Variants in EPHA6 observed in about 807,000 individuals in gnomAD.
EPHA6 encodes EPH receptor A6, also known as ephrin type-A receptor 6.
EPHA6 carries 50 observed loss-of-function variants against 112.0 expected under a neutral mutation model. The ratio of observed to expected loss-of-function variants is 0.45; its 90% confidence interval spans 0.36 to 0.56. The LOEUF is 0.56. EPHA6 is among the 20% of genes least tolerant of loss of function. The probability of loss-of-function intolerance (pLI) is 0.00; values close to 1 mark genes in which losing one functional copy is unlikely to be tolerated. For synonymous variants in EPHA6, 529 were observed against 490.7 expected, an observed-to-expected ratio of 1.08 and a Z score of -1.03; for missense variants, 1,280 against 1,417.4, an observed-to-expected ratio of 0.90 and a Z score of 1.56.
chr3:97,439,160 T>C (rs1031582084), intron 6 of EPHA6, among the ~76,000 whole-genome samples: 1 of 152,148 alleles, frequency 6.6e-6, no homozygotes, highest in Non-Finnish European at 1.5e-5. Context: ...TGAAACAAGG[T>C]ACACATTGGT....
At chr3:97,239,236 A>G (rs1415114953) in intron 4 of EPHA6, among the ~76,000 whole-genome samples, 1 of 151,926 alleles carries the variant, frequency 6.6e-6, no homozygotes, top group African/African-American at 2.4e-5. Context: ...ACCCTCTAAT[A>G]GCATTATTTA....
intron 5 of EPHA6, among the ~76,000 whole-genome samples, chr3:97,338,880 G>T (rs890748541): frequency 1.3e-5 from 2 of 152,116 alleles, no homozygotes; most frequent in African/African-American, 4.8e-5. Flanking sequence ...CAGAAAACAG[G>T]ACTTCAGATA....
intron 3 of EPHA6, among the ~76,000 whole-genome samples, chr3:97,039,905 A>T (rs1248830715): frequency 6.6e-6 from 1 of 151,974 alleles, no homozygotes; most frequent in African/African-American, 2.4e-5. Context: ...TAAGTTCAAT[A>T]AAAGTGCAGA....
intron 6 of EPHA6, among the ~76,000 whole-genome samples, chr3:97,421,153 G>C (rs1167131148): frequency 1.3e-5 from 2 of 151,870 alleles, no homozygotes; most frequent in Non-Finnish European, 2.9e-5. Context: ...ATTATCAATA[G>C]TTTCTACTAA....
chr3:97,458,967 A>T (rs1007629166), intron 7 of EPHA6, among the ~76,000 whole-genome samples: 3 of 152,212 alleles, frequency 2.0e-5, no homozygotes, highest in Non-Finnish European at 4.4e-5. Context: ...TTCCAGTAGA[A>T]GGCAATATGT....
intron 7 of EPHA6, among the ~76,000 whole-genome samples, chr3:97,459,394 G>A (rs2090809613): frequency 2.0e-5 from 3 of 152,140 alleles, no homozygotes; most frequent in Non-Finnish European, 4.4e-5. Context: ...TGGGTTATTC[G>A]GCTGCAAGCT....
At chr3:97,362,285 A>G (rs1273257636) in intron 5 of EPHA6, among the ~76,000 whole-genome samples, 2 of 152,148 alleles carry the variant, frequency 1.3e-5, no homozygotes, top group African/African-American at 2.4e-5. Context: ...AGTATTGCCA[A>G]TCAGCTTATT....
chr3:97,734,327 A>G (rs1173495646), intron 15 of EPHA6, among the ~76,000 whole-genome samples: 1 of 152,090 alleles, frequency 6.6e-6, no homozygotes. Context: ...TCTCTGAGCT[A>G]TCCACAATAG....
intron 14 of EPHA6, among the ~76,000 whole-genome samples, chr3:97,668,911 C>CAAAAAAAAAAAAAAAAA (rs397990599): frequency 3.1e-5 from 1 of 31,904 alleles, no homozygotes; most frequent in Non-Finnish European, 5.3e-5. Flanking sequence ...GACTCTGTCT[C>CAAAAAAAAAAAAAAAAA]AAAAAAAAAA....
intron 14 of EPHA6, among the ~76,000 whole-genome samples, chr3:97,717,953 C>G (rs2034324610): frequency 6.6e-6 from 1 of 152,104 alleles, no homozygotes; most frequent in Admixed American, 6.5e-5. Context: ...TTTGACCTAT[C>G]TTAATAGAAC....
chr3:97,176,510 A>C (rs887531631), intron 3 of EPHA6, among the ~76,000 whole-genome samples: 1 of 151,690 alleles, frequency 6.6e-6, no homozygotes, highest in East Asian at 1.9e-4. Context: ...TCAGCAGTGG[A>C]CTCGTTGGGT....
intron 5 of EPHA6, among the ~76,000 whole-genome samples, chr3:97,328,058 T>C (rs1224874751): frequency 1.7e-4 from 25 of 142,862 alleles, no homozygotes; most frequent in African/African-American, 5.3e-4. Context: ...TATACACATA[T>C]ATATATATAT....
intron 3 of EPHA6, among the ~76,000 whole-genome samples, chr3:97,094,816 G>A (rs896627491): frequency 3.9e-5 from 6 of 152,060 alleles, no homozygotes; most frequent in African/African-American, 1.4e-4. Context: ...GAAAAGAAAA[G>A]AGGAAAACTA....
At chr3:97,426,988 A>G (rs1304032631) in intron 6 of EPHA6, among the ~76,000 whole-genome samples, 2 of 152,244 alleles carry the variant, frequency 1.3e-5, no homozygotes, top group Non-Finnish European at 2.9e-5. Flanking sequence ...AGCCAAAATG[A>G]GATACTATCT....
chr3:97,525,388 A>G (rs1295391354), intron 10 of EPHA6, among the ~76,000 whole-genome samples: 2 of 152,034 alleles, frequency 1.3e-5, no homozygotes, highest in Non-Finnish European at 1.5e-5. Flanking sequence ...TCATTCATGC[A>G]TTGTTCTCCT....
chr3:96,820,331 A>G (rs2033153478), intron 1 of EPHA6, among the ~76,000 whole-genome samples: 1 of 152,090 alleles, frequency 6.6e-6, no homozygotes, highest in African/African-American at 2.4e-5. Flanking sequence ...ACATTTTAGT[A>G]GCACCATGAC....
At chr3:97,249,284 C>G (rs975618053) in intron 5 of EPHA6, among the ~76,000 whole-genome samples, 1 of 152,046 alleles carries the variant, frequency 6.6e-6, no homozygotes, top group Non-Finnish European at 1.5e-5. Context: ...TGTTGTTCCC[C>G]TGAAAAGTGC....
chr3:97,724,078 A>C (rs748461156), intron 15 of EPHA6, among the ~76,000 whole-genome samples: 13 of 152,222 alleles, frequency 8.5e-5, no homozygotes, highest in African/African-American at 1.2e-4. Context: ...TTCTGTGAGA[A>C]TATTTTATAT....
chr3:97,111,958 ATC>A (rs2047736738), intron 3 of EPHA6, among the ~76,000 whole-genome samples: 1 of 152,128 alleles, frequency 6.6e-6, no homozygotes, highest in African/African-American at 2.4e-5. Flanking sequence ...AATATTATTT[ATC>A]TCTTTTTTCA....
Sources: gnomAD v4.1 joint callset for allele counts (sites outside exome capture counted in the v4.1 genomes callset) on GRCh38, gnomAD v4.1.1 for gene constraint, MANE v1.5 for transcripts, NCBI Gene and HGNC (gene_info 2026-07-23, HGNC 2026-07-21) for gene names.